Variants in EZH1 observed in about 807,000 individuals in gnomAD.
The protein encoded by EZH1 is enhancer of zeste 1 polycomb repressive complex 2 subunit, also known as histone-lysine N-methyltransferase EZH1.
A neutral mutation model predicts 100.5 loss-of-function variants in EZH1; 33 were observed. The observed-to-expected ratio is 0.33, with a 90% confidence interval of 0.25 to 0.44. EZH1 has a LOEUF of 0.44. Ranked by LOEUF, EZH1 falls within the 20% of genes least tolerant of loss-of-function variation. The probability of loss-of-function intolerance (pLI) is 1.00; values close to 1 mark genes in which losing one functional copy is unlikely to be tolerated. For synonymous variants in EZH1, 272 were observed against 313.8 expected, an observed-to-expected ratio of 0.87 and a Z score of 1.41; for missense variants, 475 against 928.4, an observed-to-expected ratio of 0.51 and a Z score of 6.35.
At chr17:42,705,555 T>C (rs1413648667) in intron 16 of EZH1, 1 of 201,124 alleles carries the variant, frequency 5.0e-6, no homozygotes, top group Admixed American at 5.7e-5. Context: ...GGAATCTCAC[T>C]CTGTCCCAGG....
At chr17:42,709,382 T>C (rs770200379) in intron 13 of EZH1, among the ~76,000 whole-genome samples, 8 of 152,178 alleles carry the variant, frequency 5.3e-5, no homozygotes, top group Non-Finnish European at 7.3e-5. Context: ...CTTCCTCTGA[T>C]AGGTGATAGT....
At position 42,718,315 on chromosome 17, in the gene EZH1, A is replaced by C. The variant is rs913832712; in HGVS notation, c.931+139T>G. 9 of 1,181,484 alleles carry C rather than the reference A, an allele frequency of 7.6e-6. No individual in the cohort carries two copies. Among genetic ancestry groups the C allele is most frequent in the Non-Finnish European group, 1.1e-5 (9 of 853,320 alleles). 73.2% of individuals were successfully genotyped at this position (1,181,484 alleles called of 1,614,324 possible). On this transcript the variant is annotated intron_variant, in intron 9 of 20. Coordinates refer to ENST00000428826, the MANE Select transcript of EZH1 (RefSeq NM_001991.5). This position sits in a 1 kb window ranked among gnomAD's most constrained non-coding sequence, Gnocchi z 4.2. The stretch of plus-strand genomic sequence containing the variant: ...AAGCATGTTGCACTATAATTGAGCA[A>C]GGGAAAATAGAACTGGCCCTTTGTA...
At position 42,730,961 on chromosome 17, in the gene EZH1, A is replaced by C; in HGVS notation, c.-102-43T>G. ...GACAGTGGTTCTATTAAGTTAGTGC[A>C]GCAAGTTAGACCCTGACACCCTCAG... is the stretch of plus-strand genomic sequence containing the variant. On this transcript the variant is annotated intron_variant, in intron 1 of 20. Transcript: ENST00000428826. The C allele has an allele frequency of 3.4e-6, 3 of 893,612 alleles. No homozygotes were observed. In the South Asian group the frequency reaches 1.5e-4, roughly 46 times the overall value. 55.4% of individuals were successfully genotyped at this position (893,612 alleles called of 1,614,324 possible). A position where few individuals can be genotyped will look rare whatever the true frequency, so the allele number is the denominator to read the frequency against.
Position 42,712,301 on chromosome 17 carries a change from C to T in EZH1, c.1389G>A (p.Lys463=), listed in dbSNP as rs749780771. The change falls in exon 12 of 21, where the codon AAG becomes AAA. Residue 463 remains lysine, a synonymous_variant. Coordinates refer to ENST00000428826, the MANE Select transcript of EZH1 (RefSeq NM_001991.5). ...FCSIARLLGT[K]TCKQVFQFAV... ...TTCCAGATGGTACCTGCTTGCACGT[C>T]TTGGTCCCCAGAAGCCTGGCTATTG... 6.2e-7 allele frequency: 1 copy of T among 1,613,754 alleles called. No individual in the cohort carries two copies. Among genetic ancestry groups the T allele is most frequent in the South Asian group, 1.1e-5 (1 of 91,044 alleles).
chr17:42,738,844 C>T (rs1165908602), intron 1 of EZH1, among the ~76,000 whole-genome samples: 1 of 150,102 alleles, frequency 6.7e-6, no homozygotes, highest in Admixed American at 6.7e-5. Context: ...ACTGCAATCT[C>T]CACCTCCTGG....
intron 10 of EZH1, among the ~76,000 whole-genome samples, chr17:42,717,428 C>G (rs1468082891): frequency 1.3e-5 from 2 of 152,146 alleles, no homozygotes; most frequent in African/African-American, 4.8e-5. Flanking sequence ...CTAGGCTCAT[C>G]CTATTGTGTA....
At chr17:42,740,243 CTT>C (rs146009996) in intron 1 of EZH1, among the ~76,000 whole-genome samples, 18 of 138,536 alleles carry the variant, frequency 1.3e-4, no homozygotes, top group Admixed American at 2.2e-4. Context: ...GAGACAAGAT[CTT>C]TTTTTTTTTT....
At position 42,727,133 on chromosome 17, in the gene EZH1, A is replaced by G. The variant is rs1213079715; in HGVS notation, c.246+502T>C. Among the ~76,000 whole-genome samples the G allele has an allele frequency of 3.3e-5, 5 of 152,262 alleles. No individual in the cohort carries two copies. In the South Asian group the frequency reaches 6.2e-4, roughly 19 times the overall value. ...CCGAAGTGCTGAGATTACAGGTGTG[A>G]GCCACTGCGTCCAGCCCCCGTAATT... On this transcript the variant is annotated intron_variant, in intron 4 of 20. Transcript: ENST00000428826.
intron 12 of EZH1, among the ~76,000 whole-genome samples, chr17:42,710,788 T>TTC (rs2053465321): frequency 6.7e-6 from 1 of 148,496 alleles, no homozygotes; most frequent in African/African-American, 2.5e-5. Context: ...GTGGCTTTTT[T>TTC]TTTTTTTTTT....
intron 15 of EZH1, among the ~76,000 whole-genome samples, chr17:42,707,637 C>T (rs528899258): frequency 3.4e-4 from 52 of 152,144 alleles, no homozygotes; most frequent in Non-Finnish European, 6.5e-4. Context: ...TCAAGTGATC[C>T]GCCTACCCAA....
At chr17:42,733,708 G>A (rs2054004382) in intron 1 of EZH1, among the ~76,000 whole-genome samples, 1 of 149,700 alleles carries the variant, frequency 6.7e-6, no homozygotes, top group African/African-American at 2.5e-5. Flanking sequence ...TTGGAAGGCT[G>A]AGGCAGGCAG....
rs1413702811 is a variant in EZH1 at position 42,706,751 on chromosome 17, C to T, written c.1661-566G>A. On this transcript the variant is annotated intron_variant, in intron 15 of 20. Coordinates refer to ENST00000428826, the MANE Select transcript of EZH1 (RefSeq NM_001991.5). The surrounding 1 kb of genome is among the most constrained non-coding windows in gnomAD (Gnocchi z 4.4). ...TAATAAGAAGTGTCCCCTAGAGATT[C>T]CCCAACAATCCTCTCCCTCCCACTG... Among the ~76,000 whole-genome samples, 3 of 152,010 alleles carry T rather than the reference C, an allele frequency of 2.0e-5. No individual in the cohort carries two copies. The highest frequency in any genetic ancestry group is 2.0e-4 in the Admixed American group (3 of 15,256).
intron 15 of EZH1, among the ~76,000 whole-genome samples, chr17:42,707,240 TA>T (rs966633602): frequency 6.0e-3 from 842 of 141,136 alleles, no homozygotes; most frequent in Middle Eastern, 0.011. Context: ...GGCTGTAACT[TA>T]AAAAAAAAAA....
At position 42,721,873 on chromosome 17, in the gene EZH1, C is replaced by T. The variant is rs200682018; in HGVS notation, c.487+922G>A. On this transcript the variant is annotated intron_variant, in intron 6 of 20. Transcript: ENST00000428826. ...AAAAATTTTAAAAATAAGCCAGGGC[C>T]GGGCACGGTGGCTCACGCCTGTAAT... 1.2e-4 allele frequency among the ~76,000 whole-genome samples: 18 copies of T among 151,722 alleles called. No individual in the cohort carries two copies. In the East Asian group the frequency reaches 2.9e-3, roughly 25 times the overall value.
At chr17:42,729,729 A>G (rs1360352733) in intron 2 of EZH1, among the ~76,000 whole-genome samples, 2 of 129,646 alleles carry the variant, frequency 1.5e-5, no homozygotes, top group Non-Finnish European at 1.6e-5. Context: ...ACACAGTGAG[A>G]CTCCATCTCA....
Position 42,718,720 on chromosome 17 carries a change from G to T in EZH1, c.768-103C>A. 8.2e-7 allele frequency: 1 copy of T among 1,226,534 alleles called. No individual in the cohort carries two copies. Among genetic ancestry groups the T allele is most frequent in the East Asian group, 2.4e-5 (1 of 42,002 alleles). The allele number at this position is 1,226,534 out of a possible 1,614,324, so 76.0% of individuals were successfully genotyped here. On this transcript the variant is annotated intron_variant, in intron 8 of 20. Transcript: ENST00000428826. The surrounding 1 kb of genome is among the most constrained non-coding windows in gnomAD (Gnocchi z 4.2). ...AGCTCACCTACGGTCTGCCAAGGGA[G>T]GATGGGTGTTTTTTATAGGTCTGGT...
chr17:42,740,401 A>G (rs918628271), intron 1 of EZH1, among the ~76,000 whole-genome samples: 1 of 152,104 alleles, frequency 6.6e-6, no homozygotes. Flanking sequence ...CACCACGCCC[A>G]GCTAATTTTT....
Position 42,730,844 on chromosome 17 carries a change from G to A in EZH1, c.-28C>T. 2.0e-6 allele frequency: 2 copies of A among 985,380 alleles called. No individual in the cohort carries two copies. The highest frequency in any genetic ancestry group is 2.4e-6 in the Non-Finnish European group (2 of 829,820). The allele number at this position is 985,380 out of a possible 1,614,324, so 61.0% of individuals were successfully genotyped here. On this transcript the variant is annotated 5_prime_UTR_variant, in exon 2 of 21. Transcript: ENST00000428826. The stretch of plus-strand genomic sequence containing the variant: ...TTTACCTACCTTATAGAATGCAAGG[G>A]GAAGTGTTGGGTTTTACAGTGTGCC...
chr17:42,704,489 A>G, intron 18 of EZH1, 113 bp downstream of exon 18: 2 of 755,794 alleles, frequency 2.6e-6, no homozygotes, highest in South Asian at 3.7e-5. Flanking sequence ...TAGAGGCTAC[A>G]GTGAGCCAAG....
Sources: allele counts gnomAD v4.1 joint callset (sites outside exome capture counted in the v4.1 genomes callset), GRCh38; gene constraint gnomAD v4.1.1; non-coding constraint Gnocchi (gnomAD v3.1); transcripts MANE v1.5; gene names NCBI Gene and HGNC (gene_info 2026-07-23, HGNC 2026-07-21).